Variants in RIC8B observed in about 807,000 individuals in gnomAD.
The protein encoded by RIC8B is chaperone Ric-8B.
Under a neutral mutation model 57.5 loss-of-function variants are expected in RIC8B, and 16 were observed. The ratio of observed to expected loss-of-function variants is 0.28; its 90% CI spans 0.19 to 0.42. The LOEUF (loss-of-function observed/expected upper bound fraction) is 0.42, where lower values mean the gene tolerates loss of function less well. RIC8B is among the 10% of genes least tolerant of loss of function. RIC8B has a pLI of 1.00. For synonymous variants in RIC8B, 216 were observed against 250.8 expected (o/e 0.86, Z 1.31); for missense variants, 481 against 677.0 (o/e 0.71, Z 3.21).
rs536198453 is a variant in RIC8B at position 106,879,693 on chromosome 12, C to T, written c.1572-6211C>T. 1.0e-6 allele frequency: 1 copy of T among 985,370 alleles called. No homozygotes were observed. The highest frequency in any genetic ancestry group is 1.2e-6 in the Non-Finnish European group (1 of 829,926). 61.0% of individuals were successfully genotyped at this position (985,370 alleles called of 1,614,324 possible). On this transcript the variant is annotated intron_variant, in intron 9 of 9. Coordinates refer to ENST00000392837, the MANE Select transcript of RIC8B (RefSeq NM_001330145.2). The surrounding 1 kb of genome is among the most constrained non-coding windows in gnomAD (Gnocchi z 4.9). ...TTTCTTGGACGTGCTTTATCTGTGTCCTCTTGCCTGGCCAAGCCCTTGTAG... is the reference window on the plus strand; with the variant it reads ...TTTCTTGGACGTGCTTTATCTGTGTTCTCTTGCCTGGCCAAGCCCTTGTAG...
intron 9 of RIC8B, among the ~76,000 whole-genome samples, chr12:106,875,644 ACTGT>A (rs1228900691): frequency 6.6e-6 from 1 of 152,086 alleles, no homozygotes; most frequent in African/African-American, 2.4e-5. Flanking sequence ...TTACCCCATC[ACTGT>A]CTAACAAGAT....
In RIC8B at chr12:106,811,521, C is replaced by T. The variant is rs2045331441; in HGVS notation, c.133-3175C>T. Among the ~76,000 whole-genome samples, 3 of 152,206 alleles carry T rather than the reference C, an allele frequency of 2.0e-5. No homozygotes were observed. The South Asian group carries it at 6.2e-4, about 32-fold the overall frequency. ...GTTTGAGAACCACCTTTAGAGTCCA[C>T]TCTAGGATTTCAGTTCGGGAGCAAA... On this transcript the variant is annotated intron_variant, in intron 2 of 9. Transcript: ENST00000392837.
At chr12:106,854,790 A>T (rs199679247) in intron 7 of RIC8B, among the ~76,000 whole-genome samples, 2 of 152,262 alleles carry the variant, frequency 1.3e-5, no homozygotes, top group East Asian at 3.9e-4. Flanking sequence ...TCCGTCTCAA[A>T]AAAGAAAAAA....
chr12:106,885,536 T>C (rs1951141612), intron 9 of RIC8B, among the ~76,000 whole-genome samples: 1 of 151,422 alleles, frequency 6.6e-6, no homozygotes, highest in Non-Finnish European at 1.5e-5. Context: ...GCAGGTGAAA[T>C]TTTGGCAGCT....
chr12:106,785,610 G>A (rs1358375145), intron 2 of RIC8B, among the ~76,000 whole-genome samples: 1 of 152,072 alleles, frequency 6.6e-6, no homozygotes, highest in African/African-American at 2.4e-5. Flanking sequence ...GTTTAACTCT[G>A]ACTTTCTTTT....
chr12:106,775,024 T>C, intron 1 of RIC8B, 195 bp downstream of exon 1: 1 of 570,878 alleles, frequency 1.8e-6, no homozygotes. Context: ...CTACCCCCAC[T>C]GTAGCGCCCA....
intron 2 of RIC8B, among the ~76,000 whole-genome samples, chr12:106,802,204 A>C (rs1373739864): frequency 6.6e-6 from 1 of 152,238 alleles, no homozygotes; most frequent in African/African-American, 2.4e-5. Flanking sequence ...ATTTTCATGT[A>C]GAAATCGCCT....
At chr12:106,774,911 C>A (rs947719381) in intron 1 of RIC8B, 82 bp downstream of exon 1, 17 of 1,047,308 alleles carry the variant, frequency 1.6e-5, no homozygotes, top group East Asian at 2.6e-5. Flanking sequence ...TTCCCCACCC[C>A]CCTCATTCCG....
intron 7 of RIC8B, among the ~76,000 whole-genome samples, chr12:106,856,830 T>C (rs1410582747): frequency 6.6e-6 from 1 of 152,140 alleles, no homozygotes; most frequent in Non-Finnish European, 1.5e-5. Context: ...TTCAGGCTGG[T>C]GAATACAGGG....
At chr12:106,876,969 T>G (rs1334007169) in intron 9 of RIC8B, among the ~76,000 whole-genome samples, 3 of 152,076 alleles carry the variant, frequency 2.0e-5, no homozygotes, top group African/African-American at 7.2e-5. Context: ...AAGAAATAAT[T>G]TTTAAAACCA....
chr12:106,800,021 C>G (rs999505296), intron 2 of RIC8B, among the ~76,000 whole-genome samples: 5 of 152,182 alleles, frequency 3.3e-5, no homozygotes, highest in Admixed American at 3.3e-4. Context: ...TGCCATGTCA[C>G]TGTGTGCTCA....
intron 9 of RIC8B, chr12:106,871,484 A>AAAC (rs1566169139): frequency 2.8e-5 from 4 of 141,792 alleles, no homozygotes; most frequent in Non-Finnish European, 6.1e-5. Context: ...AAAAAAAAAA[A>AAAC]AAAAAAAAAA....
At chr12:106,882,387 G>A (rs1048731855) in intron 9 of RIC8B, among the ~76,000 whole-genome samples, 3 of 152,222 alleles carry the variant, frequency 2.0e-5, no homozygotes, top group South Asian at 2.1e-4. Context: ...GCACAGGTCC[G>A]TCTGACTCCA....
rs141016630 is a variant in RIC8B, at chr12:106,846,735, A to G, written c.1161+2788A>G. 1.7e-3 allele frequency among the ~76,000 whole-genome samples: 256 copies of G among 152,082 alleles called. 3 individuals are homozygous for G. The highest frequency in any genetic ancestry group is 5.7e-3 in the African/African-American group (238 of 41,504). The stretch of plus-strand genomic sequence containing the variant: ...TAAACAGAACAGCCAAAAAAAAAAA[A>G]AAAACCTATTAGTTAAATACTTCTT... On this transcript the variant is annotated intron_variant, in intron 6 of 9. Coordinates refer to ENST00000392837, the MANE Select transcript of RIC8B (RefSeq NM_001330145.2).
chr12:106,873,428 G>A (rs150505601), intron 9 of RIC8B, among the ~76,000 whole-genome samples: 2 of 152,272 alleles, frequency 1.3e-5, no homozygotes, highest in Admixed American at 6.5e-5. Flanking sequence ...AAGCAGTAAT[G>A]CAAAGAATGA....
intron 3 of RIC8B, among the ~76,000 whole-genome samples, chr12:106,824,490 A>G (rs371788748): frequency 6.6e-6 from 1 of 152,198 alleles, no homozygotes; most frequent in East Asian, 1.9e-4. Context: ...GCTAGATTTT[A>G]GGAGAGACAT....
chr12:106,845,496 G>A (rs940243765), intron 6 of RIC8B, among the ~76,000 whole-genome samples: 1 of 152,078 alleles, frequency 6.6e-6, no homozygotes, highest in Non-Finnish European at 1.5e-5. Flanking sequence ...TGTCACAATG[G>A]ATGAATCATT....
rs1185670190 is a variant in RIC8B, at chr12:106,888,574, AGAGTGGT to A, written c.*2561_*2567del. ...CTTAGGGCTCTGAAATGCTGGGAAC[AGAGTGGT>A]GTGAGGAGGGTGGTCATTCTCAGGC... On this transcript the variant is annotated 3_prime_UTR_variant, in exon 10 of 10. Coordinates refer to ENST00000392837, the MANE Select transcript of RIC8B (RefSeq NM_001330145.2). 6.6e-6 allele frequency: 1 copy of A among 152,666 alleles called. No homozygotes were observed. Among genetic ancestry groups the A allele is most frequent in the East Asian group, 1.9e-4 (1 of 5,200 alleles). 9.5% of individuals were successfully genotyped at this position (152,666 alleles called of 1,614,324 possible).
intron 9 of RIC8B, chr12:106,871,499 C>CAAAAA (rs1491246618): frequency 1.1e-4 from 11 of 103,390 alleles, no homozygotes; most frequent in Non-Finnish European, 1.3e-4. Flanking sequence ...AAAAAAAAAA[C>CAAAAA]CAAAAAACTC....
Sources: gnomAD v4.1 joint callset for allele counts (sites outside exome capture counted in the v4.1 genomes callset) on GRCh38, gnomAD v4.1.1 for gene constraint, Gnocchi (gnomAD v3.1) non-coding constraint, MANE v1.5 for transcripts, NCBI Gene and HGNC (gene_info 2026-07-23, HGNC 2026-07-21) for gene names.